Variants in LIPA observed in about 807,000 individuals in gnomAD.
LIPA encodes the protein lipase A, lysosomal acid type.
LIPA carries 26 observed loss-of-function variants against 40.6 expected under a neutral mutation model. That is an observed-to-expected ratio of 0.64 (90% CI 0.47 to 0.89). LIPA has a LOEUF of 0.89. Ranked by LOEUF, LIPA falls within the 40% of genes least tolerant of loss-of-function variation. The pLI is 0.00. For synonymous variants in LIPA, 188 were observed against 168.4 expected, an observed-to-expected ratio of 1.12 and a Z score of -0.90; for missense variants, 455 against 479.6, an observed-to-expected ratio of 0.95 and a Z score of 0.48.
At chr10:89,350,701 A>G (rs1263721167) in intron 2 of LIPA, among the ~76,000 whole-genome samples, 2 of 152,152 alleles carry the variant, frequency 1.3e-5, no homozygotes, top group Admixed American at 6.5e-5. Flanking sequence ...CAGTTATTCA[A>G]TTGAGACATG....
upstream of LIPA, among the ~76,000 whole-genome samples, chr10:89,253,882 T>C (rs1843167127): frequency 6.6e-6 from 1 of 152,218 alleles, no homozygotes; most frequent in African/African-American, 2.4e-5. Flanking sequence ...AAGGCAGTCA[T>C]TTCTTAAAGC....
intron 3 of LIPA, among the ~76,000 whole-genome samples, chr10:89,233,514 A>G (rs751307354): frequency 6.6e-6 from 1 of 152,252 alleles, no homozygotes; most frequent in African/African-American, 2.4e-5. Context: ...GAAAACATAC[A>G]TTACGTTTCG....
chr10:89,224,998 G>C (rs1171713804), intron 6 of LIPA, 94 bp downstream of exon 6: 1 of 1,441,338 alleles, frequency 6.9e-7, no homozygotes, highest in African/African-American at 1.4e-5. Flanking sequence ...AAACGCAGGG[G>C]AGGAAGGCAC....
At chr10:89,257,541 T>C (rs914484650) in intron 1 of LIPA, among the ~76,000 whole-genome samples, 1 of 152,186 alleles carries the variant, frequency 6.6e-6, no homozygotes, top group Non-Finnish European at 1.5e-5. Context: ...GGAAAAAGTA[T>C]GAAACGATAA....
In LIPA at chr10:89,300,592, C is replaced by T. The variant is rs372593364; in HGVS notation, c.-2+42019G>A. Among the ~76,000 whole-genome samples, 8 of 152,210 alleles carry T rather than the reference C, an allele frequency of 5.3e-5. No homozygotes were observed. In the East Asian group the frequency reaches 1.3e-3, roughly 26 times the overall value. ...AAAATATTGTGGGGCTTGGGGAAGC[C>T]AAGAACATAAGGAGATGTTAGGAAT... On this transcript the variant is annotated intron_variant, in intron 1 of 5. Transcript: ENST00000282673.
intron 1 of LIPA, among the ~76,000 whole-genome samples, chr10:89,279,162 A>T (rs1843303811): frequency 6.6e-6 from 1 of 152,222 alleles, no homozygotes; most frequent in South Asian, 2.1e-4. Flanking sequence ...TGCACTGATC[A>T]TGAGTTTCTA....
At chr10:89,277,452 C>G (rs1843294606) in intron 1 of LIPA, among the ~76,000 whole-genome samples, 1 of 152,172 alleles carries the variant, frequency 6.6e-6, no homozygotes, top group South Asian at 2.1e-4. Context: ...TGTTAGCTAT[C>G]TTTAGTTTTA....
chr10:89,333,350 A>G (rs1843679126), intron 1 of LIPA, among the ~76,000 whole-genome samples: 1 of 152,154 alleles, frequency 6.6e-6, no homozygotes, highest in Non-Finnish European at 1.5e-5. Context: ...TAAGGTCCAG[A>G]AACAAACATA....
At chr10:89,235,672 C>A (rs1268968006) in intron 3 of LIPA, among the ~76,000 whole-genome samples, 6 of 152,190 alleles carry the variant, frequency 3.9e-5, no homozygotes, top group African/African-American at 9.7e-5. Flanking sequence ...CCGTCACACT[C>A]CAAAACACAT....
At chr10:89,377,027 G>T (rs1330261585) in intron 2 of LIPA, among the ~76,000 whole-genome samples, 1 of 152,132 alleles carries the variant, frequency 6.6e-6, no homozygotes, top group Non-Finnish European at 1.5e-5. Flanking sequence ...TGCTTATCTT[G>T]GTGCACTACC....
intron 3 of LIPA, among the ~76,000 whole-genome samples, chr10:89,237,529 C>G (rs1289668637): frequency 6.6e-6 from 1 of 152,014 alleles, no homozygotes; most frequent in Non-Finnish European, 1.5e-5. Context: ...GGATTTAAGG[C>G]AAGAAGGGAT....
intron 1 of LIPA, among the ~76,000 whole-genome samples, chr10:89,287,041 C>T (rs1340243490): frequency 6.6e-6 from 1 of 152,248 alleles, no homozygotes; most frequent in African/African-American, 2.4e-5. Flanking sequence ...TGTGTCCCAT[C>T]TGTGTGGGAC....
At chr10:89,378,974 G>A (rs996984788) in intron 2 of LIPA, among the ~76,000 whole-genome samples, 14 of 152,298 alleles carry the variant, frequency 9.2e-5, no homozygotes, top group African/African-American at 2.4e-4. Context: ...AGACTGGCCC[G>A]GGGACCAGTC....
intron 1 of LIPA, chr10:89,306,179 C>T (rs746849892): frequency 1.2e-5 from 19 of 1,613,992 alleles, no homozygotes; most frequent in East Asian, 2.2e-5. Flanking sequence ...GGAATGCTTA[C>T]GTAAAGCTGA....
intron 2 of LIPA, among the ~76,000 whole-genome samples, chr10:89,373,105 G>A (rs1000238794): frequency 2.6e-5 from 4 of 151,736 alleles, no homozygotes; most frequent in African/African-American, 4.8e-5. Context: ...AGGCAGAGGC[G>A]GGCGGATCAT....
intron 1 of LIPA, among the ~76,000 whole-genome samples, chr10:89,273,574 G>C (rs1355851382): frequency 6.6e-6 from 1 of 152,210 alleles, no homozygotes; most frequent in Non-Finnish European, 1.5e-5. Context: ...GTGTTGTGCT[G>C]AGAAAAATAT....
intron 2 of LIPA, chr10:89,406,349 A>G (rs1422662898): frequency 6.6e-6 from 1 of 152,204 alleles, no homozygotes; most frequent in East Asian, 1.9e-4. Flanking sequence ...AAAATGGACC[A>G]ATCAGCAGGA....
intron 1 of LIPA, chr10:89,306,786 T>C (rs1308838604): frequency 6.2e-7 from 1 of 1,613,992 alleles, no homozygotes; most frequent in Non-Finnish European, 8.5e-7. Context: ...TTAGAATACA[T>C]ACCAAACAAT....
chr10:89,310,370 GA>G (rs1179192285), intron 1 of LIPA, among the ~76,000 whole-genome samples: 1 of 152,138 alleles, frequency 6.6e-6, no homozygotes, highest in Admixed American at 6.5e-5. Flanking sequence ...AGTGCAACTG[GA>G]AGACTGGAAG....
Sources: gnomAD v4.1 joint callset for allele counts (sites outside exome capture counted in the v4.1 genomes callset) on GRCh38, gnomAD v4.1.1 for gene constraint, MANE v1.5 for transcripts, NCBI Gene and HGNC (gene_info 2026-07-23, HGNC 2026-07-21) for gene names.